KIZ: variants seen among roughly 807,000 people sequenced by gnomAD.
The protein encoded by KIZ is kizuna centrosomal protein.
KIZ carries 68 observed loss-of-function variants against 79.6 expected under a neutral mutation model. That is an observed-to-expected ratio of 0.85 (90% CI 0.70 to 1.05). The LOEUF is 1.05. Ranked by LOEUF, KIZ falls within the 50% of genes least tolerant of loss-of-function variation. KIZ has a pLI of 0.00. For missense variants in KIZ, 797 were observed against 800.4 expected (o/e 1.00, Z 0.05); for synonymous variants, 280 against 281.8 (o/e 0.99, Z 0.06).
intron 7 of KIZ, among the ~76,000 whole-genome samples, chr20:21,205,934 C>G (rs969660362): frequency 1.3e-5 from 2 of 151,174 alleles, no homozygotes; most frequent in Admixed American, 6.6e-5. Context: ...GCACTCCAGC[C>G]TGGTGACACC....
chr20:21,155,339 A>G (rs2033326223), intron 4 of KIZ, among the ~76,000 whole-genome samples: 1 of 152,238 alleles, frequency 6.6e-6, no homozygotes, highest in Non-Finnish European at 1.5e-5. Flanking sequence ...TTCAGCCATG[A>G]AAAGGAATAA....
At chr20:21,198,931 C>T (rs907995996) in intron 6 of KIZ, 1 of 152,300 alleles carries the variant, frequency 6.6e-6, no homozygotes, top group Admixed American at 6.6e-5. Flanking sequence ...AGTCCTTCTG[C>T]GCTCTCTAGG....
chr20:21,241,822 G>A (rs978274440), intron 11 of KIZ, among the ~76,000 whole-genome samples: 47 of 152,198 alleles, frequency 3.1e-4, no homozygotes, highest in Admixed American at 3.1e-3. Flanking sequence ...ATGTTCTCAT[G>A]TGTCTGTGTT....
chr20:21,139,835 A>C (rs2032415913), intron 3 of KIZ, among the ~76,000 whole-genome samples: 1 of 152,202 alleles, frequency 6.6e-6, no homozygotes, highest in Non-Finnish European at 1.5e-5. Context: ...CATGGTTCAA[A>C]AATTATGTAG....
intron 9 of KIZ, among the ~76,000 whole-genome samples, chr20:21,228,300 G>A (rs2036720103): frequency 6.6e-6 from 1 of 152,186 alleles, no homozygotes. Flanking sequence ...GGGGAAGGTT[G>A]TGTCACTCAG....
intron 7 of KIZ, among the ~76,000 whole-genome samples, chr20:21,207,153 C>G (rs376974715): frequency 6.6e-6 from 1 of 152,134 alleles, no homozygotes; most frequent in Admixed American, 6.5e-5. Flanking sequence ...TATATCTGCA[C>G]CTTCTGGAAT....
At chr20:21,139,430 CTT>C (rs2032391034) in intron 3 of KIZ, among the ~76,000 whole-genome samples, 1 of 151,958 alleles carries the variant, frequency 6.6e-6, no homozygotes, top group Non-Finnish European at 1.5e-5. Flanking sequence ...CCAATTTTTT[CTT>C]TTAGTATTCA....
rs145243330 is a variant in KIZ at position 21,224,604 on chromosome 20, T to C, written c.1679-4407T>C. On this transcript the variant is annotated intron_variant, in intron 9 of 12. Coordinates refer to ENST00000619189, the MANE Select transcript of KIZ (RefSeq NM_018474.6). ...GTTGGTTCAAGGTCGGTTTTTTAGC[T>C]GTAGTGATAGTATTGTTTGCATCTC... 1.9e-3 allele frequency among the ~76,000 whole-genome samples: 282 copies of C among 152,356 alleles called. 1 individual carries two copies. Among genetic ancestry groups the C allele is most frequent in the African/African-American group, 6.6e-3 (275 of 41,590 alleles).
At chr20:21,241,111 C>T (rs1032930590) in intron 11 of KIZ, among the ~76,000 whole-genome samples, 3 of 152,234 alleles carry the variant, frequency 2.0e-5, no homozygotes, top group African/African-American at 7.2e-5. Flanking sequence ...ATTTCTTTTA[C>T]TTTCTGAAAT....
At chr20:21,246,297 T>C (rs917216267) in intron 12 of KIZ, 182 bp from the exon 13 acceptor site, 1 of 598,624 alleles carries the variant, frequency 1.7e-6, no homozygotes, top group Non-Finnish European at 3.0e-6. Flanking sequence ...CACTTTGCAA[T>C]GTGTAATTTG....
chr20:21,218,230 A>G (rs1320978874), intron 9 of KIZ: 1 of 152,052 alleles, frequency 6.6e-6, no homozygotes, highest in Admixed American at 6.6e-5. Context: ...ACAGAGAAAA[A>G]TCCGAAACAG....
At chr20:21,166,166 T>G (rs2033925835) in intron 6 of KIZ, 7 of 940,278 alleles carry the variant, frequency 7.4e-6, no homozygotes, top group Non-Finnish European at 1.1e-5. Flanking sequence ...TTTTTTTTTG[T>G]CCATGAGGCA....
chr20:21,133,640 G>A (rs1051055127), intron 2 of KIZ, among the ~76,000 whole-genome samples: 1 of 152,230 alleles, frequency 6.6e-6, no homozygotes, highest in Non-Finnish European at 1.5e-5. Flanking sequence ...TGCTTAGATT[G>A]CCTGTAGAAG....
At chr20:21,168,497 G>T (rs1338925487) in intron 6 of KIZ, among the ~76,000 whole-genome samples, 4 of 152,088 alleles carry the variant, frequency 2.6e-5, no homozygotes, top group Admixed American at 2.0e-4. Context: ...CGTGAAAATG[G>T]CCATACTGCC....
intron 6 of KIZ, among the ~76,000 whole-genome samples, chr20:21,187,511 C>G (rs144239291): frequency 6.6e-6 from 1 of 152,102 alleles, no homozygotes; most frequent in Non-Finnish European, 1.5e-5. Context: ...TTGCCTGAGC[C>G]GAAATTCAGT....
chr20:21,236,993 G>GT (rs1341658143), intron 11 of KIZ, among the ~76,000 whole-genome samples: 1 of 127,214 alleles, frequency 7.9e-6, no homozygotes, highest in African/African-American at 3.1e-5. Flanking sequence ...GCAAGACTCT[G>GT]TTTAAAAAAA....
At chr20:21,213,216 C>G (rs888310480) in intron 7 of KIZ, among the ~76,000 whole-genome samples, 1 of 152,228 alleles carries the variant, frequency 6.6e-6, no homozygotes, top group African/African-American at 2.4e-5. Flanking sequence ...AAATGCCAAA[C>G]ATGCAAGACC....
intron 6 of KIZ, among the ~76,000 whole-genome samples, chr20:21,164,706 C>G (rs1054766419): frequency 1.8e-5 from 2 of 110,814 alleles, no homozygotes; most frequent in African/African-American, 5.5e-5. Flanking sequence ...TGTCTCCATT[C>G]GAATGACTTT....
intron 6 of KIZ, among the ~76,000 whole-genome samples, chr20:21,204,116 T>TG (rs1163540745): frequency 9.0e-4 from 120 of 132,822 alleles, no homozygotes; most frequent in African/African-American, 3.1e-3. Context: ...TTTTTTTTTT[T>TG]TTTTTTTTTT....
Sources: gnomAD v4.1 joint callset for allele counts (sites outside exome capture counted in the v4.1 genomes callset) on GRCh38, gnomAD v4.1.1 for gene constraint, MANE v1.5 for transcripts, NCBI Gene and HGNC (gene_info 2026-07-23, HGNC 2026-07-21) for gene names.